The following ZEB2 variants were observed in gnomAD, a reference collection of about 807,000 sequenced individuals.
ZEB2 encodes the protein zinc finger E-box binding homeobox 2, also known as zinc finger E-box-binding homeobox 2.
Under a neutral mutation model 99.9 loss-of-function variants are expected in ZEB2, and 6 were observed. The observed-to-expected ratio is 0.06, with a 90% CI of 0.03 to 0.12. The LOEUF (loss-of-function observed/expected upper bound fraction) is 0.12. ZEB2 is among the 10% of genes least tolerant of loss of function. The pLI is 1.00. For missense variants in ZEB2, 969 were observed against 1,502.8 expected (o/e 0.64, Z 5.87); for synonymous variants, 517 against 542.5 (o/e 0.95, Z 0.65).
chr2:144,513,725 A>G, intron 2 of ZEB2: 3 of 1,536,120 alleles, frequency 2.0e-6, no homozygotes, highest in Non-Finnish European at 1.7e-6. Flanking sequence ...TTTGCAAGTT[A>G]CAAACGGGCC....
intron 2 of ZEB2, chr2:144,511,533 A>G (rs1370794024): frequency 3.1e-6 from 4 of 1,281,088 alleles, no homozygotes; most frequent in African/African-American, 1.5e-5. Context: ...ACTGATTATT[A>G]TCGTTTTCCT....
chr2:144,387,468 G>GA lies in ZEB2; in HGVS notation c.*1982dup, dbSNP rs1450006407. On this transcript the variant is annotated 3_prime_UTR_variant, in exon 10 of 10. Transcript: ENST00000627532. ...TTGTAAAAACTGAAAAACTGTCTTA[G>GA]AAAATCACGGTTATTTTTGTTAGCA... 1.3e-5 allele frequency: 2 copies of GA among 151,860 alleles called. No individual in the cohort carries two copies. Among genetic ancestry groups the GA allele is most frequent in the African/African-American group, 4.8e-5 (2 of 41,388 alleles). The allele number at this position is 151,860 out of a possible 1,614,324, so 9.4% of individuals were successfully genotyped here.
chr2:144,503,749 A>T (rs748429838), intron 2 of ZEB2: 4 of 152,178 alleles, frequency 2.6e-5, no homozygotes, highest in Non-Finnish European at 5.9e-5. Flanking sequence ...GACCTTGTTG[A>T]GAGTAAAAGT....
chr2:144,503,228 A>C (rs745315575), intron 2 of ZEB2, among the ~76,000 whole-genome samples: 15 of 152,208 alleles, frequency 9.9e-5, no homozygotes, highest in Non-Finnish European at 2.1e-4. Context: ...CTCAAAGTTA[A>C]AGCTTTTAAA....
chr2:144,457,672 T>G (rs1704139545), intron 2 of ZEB2, among the ~76,000 whole-genome samples: 1 of 152,168 alleles, frequency 6.6e-6, no homozygotes, highest in African/African-American at 2.4e-5. Flanking sequence ...ATCAGTGACA[T>G]CCATCATTTG....
Position 144,438,576 on chromosome 2 carries a change from T to A in ZEB2, c.74-8550A>T, listed in dbSNP as rs538002103. 1.1e-4 allele frequency among the ~76,000 whole-genome samples: 16 copies of A among 152,216 alleles called. No homozygotes were observed. In the East Asian group the frequency reaches 3.1e-3, roughly 29 times the overall value. On this transcript the variant is annotated intron_variant, in intron 2 of 9. Transcript: ENST00000627532. ...TACAAACTTGATCACATGCAAAAAA[T>A]TCTAATCTCAGTCAATCTTGCCTCT...
chr2:144,477,643 C>T (rs947661401), intron 2 of ZEB2, among the ~76,000 whole-genome samples: 6 of 152,134 alleles, frequency 3.9e-5, no homozygotes, highest in Admixed American at 6.5e-5. Flanking sequence ...CTTTCATTTC[C>T]ATTGTAAGTA....
At position 144,404,061 on chromosome 2, in the gene ZEB2, T is replaced by C. The variant is rs888074487; in HGVS notation, c.662A>G (p.Lys221Arg). 3 of 1,614,110 alleles carry C rather than the reference T, an allele frequency of 1.9e-6. No individual in the cohort carries two copies. The highest frequency in any genetic ancestry group is 2.5e-6 in the Non-Finnish European group (3 of 1,180,036). The change falls in exon 6 of 10, where the codon AAG becomes AGG. Residue 221 changes from lysine (K) to arginine (R), a missense_variant. Physicochemically the swap from Lys to Arg is conservative, Grantham distance 26. Around this residue, in one of 8 missense-constraint regions of ZEB2, gnomAD observed 65 missense variants for 147.7 expected, o/e 0.44. Coordinates refer to ENST00000627532, the MANE Select transcript of ZEB2 (RefSeq NM_014795.4). ...GTGCTCCTTCAGTGATGTCAAGCGC[T>C]TGTAGCCCCGGTCGCAGTAGGGGCA... ...LTCPYCDRGY[K>R]RLTSLKEHIK... is the part of the protein sequence containing the mutation.
intron 4 of ZEB2, among the ~76,000 whole-genome samples, chr2:144,415,728 C>T (rs1703530888): frequency 6.6e-6 from 1 of 152,220 alleles, no homozygotes; most frequent in African/African-American, 2.4e-5. Flanking sequence ...AACAAATACC[C>T]TGGTTATGAA....
chr2:144,384,312 G>A lies in ZEB2; in HGVS notation c.*5139C>T, dbSNP rs1014009216. 6.6e-6 allele frequency: 1 copy of A among 151,518 alleles called. No individual in the cohort carries two copies. Among genetic ancestry groups the A allele is most frequent in the Admixed American group, 6.6e-5 (1 of 15,168 alleles). 9.4% of individuals were successfully genotyped at this position (151,518 alleles called of 1,614,324 possible). A position where few individuals can be genotyped will look rare whatever the true frequency, so the allele number is the denominator to read the frequency against. On this transcript the variant is annotated 3_prime_UTR_variant, in exon 10 of 10. Transcript: ENST00000627532. ...GGCATATTCAGCATCATATTATCTCGGTGCCATTTCTCTGACTAATTCCAC... is the reference window on the plus strand; with the variant it reads ...GGCATATTCAGCATCATATTATCTCAGTGCCATTTCTCTGACTAATTCCAC...
At chr2:144,451,729 C>T (rs1704057118) in intron 2 of ZEB2, among the ~76,000 whole-genome samples, 1 of 152,082 alleles carries the variant, frequency 6.6e-6, no homozygotes, top group African/African-American at 2.4e-5. Context: ...TGCTGTATTG[C>T]GAGAAAGTTT....
chr2:144,389,419 A>C lies in ZEB2; in HGVS notation c.*32T>G. 6.2e-7 allele frequency: 1 copy of C among 1,613,306 alleles called. No homozygotes were observed. Among genetic ancestry groups the C allele is most frequent in the Non-Finnish European group, 8.5e-7 (1 of 1,179,268 alleles). ...AAGCAGGTAACAATACTACTGGAAA[A>C]AAAAATAGGAAGCTTAAAATGCAGT... On this transcript the variant is annotated 3_prime_UTR_variant, in exon 10 of 10. Coordinates refer to ENST00000627532, the MANE Select transcript of ZEB2 (RefSeq NM_014795.4). This position sits in a 1 kb window ranked among gnomAD's most constrained non-coding sequence, Gnocchi z 6.8.
At chr2:144,393,485 T>C (rs1245798771) in intron 9 of ZEB2, among the ~76,000 whole-genome samples, 4 of 152,194 alleles carry the variant, frequency 2.6e-5, no homozygotes, top group Non-Finnish European at 5.9e-5. Context: ...GACCTTAGAA[T>C]CAGTCAGTCC....
At chr2:144,401,117 C>G (rs1703304377) in intron 7 of ZEB2, 82 bp downstream of exon 7, 2 of 1,249,210 alleles carry the variant, frequency 1.6e-6, no homozygotes, top group African/African-American at 3.0e-5. Flanking sequence ...ACAAATAGGA[C>G]TGTGTAAATT....
chr2:144,444,054 A>G (rs1703952178), intron 2 of ZEB2, among the ~76,000 whole-genome samples: 1 of 152,198 alleles, frequency 6.6e-6, no homozygotes, highest in Non-Finnish European at 1.5e-5. Flanking sequence ...AAAGAGGCCA[A>G]ACAGAAACTT....
chr2:144,437,711 C>T (rs1353177715), intron 2 of ZEB2, among the ~76,000 whole-genome samples: 1 of 151,686 alleles, frequency 6.6e-6, no homozygotes, highest in African/African-American at 2.4e-5. Flanking sequence ...AGTAATAAGA[C>T]CTTGGAAATA....
intron 2 of ZEB2, among the ~76,000 whole-genome samples, chr2:144,449,120 C>A (rs1204150655): frequency 6.6e-6 from 1 of 152,200 alleles, no homozygotes; most frequent in Non-Finnish European, 1.5e-5. Context: ...AAGGAAGCTG[C>A]ACTACACTGA....
chr2:144,478,817 T>A (rs1418625259), intron 2 of ZEB2, among the ~76,000 whole-genome samples: 1 of 152,250 alleles, frequency 6.6e-6, no homozygotes, highest in African/African-American at 2.4e-5. Context: ...TTTATACTCC[T>A]GTGTGAATAT....
Position 144,440,515 on chromosome 2 carries a change from ATTTTTTTTTTTTTTTTTTT to A in ZEB2, c.74-10508_74-10490del, listed in dbSNP as rs201944188. Among the ~76,000 whole-genome samples the A allele has an allele frequency of 7.0e-3, 229 of 32,786 alleles. 2 individuals are homozygous for A. The highest frequency in any genetic ancestry group is 0.027 in the East Asian group (16 of 600). The allele number at this position is 32,786 out of a possible 152,430, so 21.5% of individuals were successfully genotyped here. ...TATATATATATATATATATATATATATTTTTTTTTTTTTTTTTTTTTTTTTTTAACTAGTGGTTAACTTT... is the reference window on the plus strand; with the variant it reads ...TATATATATATATATATATATATATATTTTTTTTAACTAGTGGTTAACTTT... On this transcript the variant is annotated intron_variant, in intron 2 of 9. Coordinates refer to ENST00000627532, the MANE Select transcript of ZEB2 (RefSeq NM_014795.4).
Sources: gnomAD v4.1 joint callset for allele counts (sites outside exome capture counted in the v4.1 genomes callset) on GRCh38, gnomAD v4.1.1 for gene constraint, gnomAD v4.1.1 regional missense constraint, Gnocchi (gnomAD v3.1) non-coding constraint, MANE v1.5 for transcripts, NCBI Gene and HGNC (gene_info 2026-07-23, HGNC 2026-07-21) for gene names.